Variants in RGS7BP observed in about 807,000 individuals in gnomAD.
The protein encoded by RGS7BP is regulator of G protein signaling 7-binding protein.
RGS7BP carries 9 observed loss-of-function variants against 31.3 expected under a neutral mutation model. The ratio of observed to expected loss-of-function variants is 0.29; its 90% CI spans 0.17 to 0.50. The LOEUF is 0.50. RGS7BP is among the 20% of genes least tolerant of loss of function. The pLI, the probability that RGS7BP is intolerant of heterozygous loss-of-function variation, is 0.98. For missense variants in RGS7BP, 274 were observed against 322.0 expected, an observed-to-expected ratio of 0.85 and a Z score of 1.14; for synonymous variants, 115 against 120.1, an observed-to-expected ratio of 0.96 and a Z score of 0.28.
rs553049140 is a variant in RGS7BP, at chr5:64,590,359, CA to C, written c.464-4345del. 2.3e-3 allele frequency among the ~76,000 whole-genome samples: 349 copies of C among 151,440 alleles called. 2 individuals carry two copies. The highest frequency in any genetic ancestry group is 3.9e-3 in the Non-Finnish European group (264 of 67,824). On this transcript the variant is annotated intron_variant, in intron 3 of 5. Transcript: ENST00000334025. ...TGCTCCCAAAAATGAAAACTGAATT[CA>C]AAAAAGAAGAAGATATGTTTGAAAT...
chr5:64,551,262 A>ATTTTTTTT (rs1561331804), intron 2 of RGS7BP, among the ~76,000 whole-genome samples: 1 of 147,826 alleles, frequency 6.8e-6, no homozygotes, highest in African/African-American at 2.5e-5. Context: ...TTTATTTTTT[A>ATTTTTTTT]TTTTATTTTT....
At chr5:64,575,360 T>A (rs943424692) in intron 2 of RGS7BP, among the ~76,000 whole-genome samples, 2 of 152,286 alleles carry the variant, frequency 1.3e-5, no homozygotes, top group African/African-American at 4.8e-5. Context: ...AGGGCCCTAA[T>A]ATTAAAGAGC....
rs1743202861 is a variant in RGS7BP, at chr5:64,601,001, GA to G, written c.682+2568del. Among the ~76,000 whole-genome samples, 3 of 152,256 alleles carry G rather than the reference GA, an allele frequency of 2.0e-5. No homozygotes were observed. The South Asian group carries it at 6.2e-4, about 32-fold the overall frequency. ...TAGAGGCTTCCCCAATTCCTTTCCGGAATTCTTTTCAGGTGGTTTATTTATT... is the reference window on the plus strand; with the variant it reads ...TAGAGGCTTCCCCAATTCCTTTCCGGATTCTTTTCAGGTGGTTTATTTATT... On this transcript the variant is annotated intron_variant, in intron 5 of 5. Coordinates refer to ENST00000334025, the MANE Select transcript of RGS7BP (RefSeq NM_001029875.3).
chr5:64,543,314 T>C (rs1741572302), intron 2 of RGS7BP, among the ~76,000 whole-genome samples: 1 of 152,232 alleles, frequency 6.6e-6, no homozygotes, highest in Admixed American at 6.5e-5. Context: ...ATTCTTTTAG[T>C]TGCAAGTGAC....
chr5:64,585,180 C>T (rs1321539697), intron 3 of RGS7BP, among the ~76,000 whole-genome samples: 1 of 152,066 alleles, frequency 6.6e-6, no homozygotes. Flanking sequence ...AGTGTCATAG[C>T]AGGTAATGTG....
At chr5:64,535,196 G>A (rs1363676047) in intron 2 of RGS7BP, among the ~76,000 whole-genome samples, 1 of 152,186 alleles carries the variant, frequency 6.6e-6, no homozygotes. Flanking sequence ...CGTGGAGGCA[G>A]TGGCTATTGG....
chr5:64,513,848 C>G (rs1219240967), intron 2 of RGS7BP, among the ~76,000 whole-genome samples: 1 of 152,146 alleles, frequency 6.6e-6, no homozygotes, highest in African/African-American at 2.4e-5. Context: ...ATGTCTATAC[C>G]AAAAGAATAT....
chr5:64,562,824 T>A (rs1431738468), intron 2 of RGS7BP, among the ~76,000 whole-genome samples: 1 of 152,136 alleles, frequency 6.6e-6, no homozygotes, highest in African/African-American at 2.4e-5. Flanking sequence ...GCCTTGAAAG[T>A]TCAGTTTGAT....
At chr5:64,570,998 C>G (rs1356568870) in intron 2 of RGS7BP, among the ~76,000 whole-genome samples, 1 of 151,946 alleles carries the variant, frequency 6.6e-6, no homozygotes, top group Non-Finnish European at 1.5e-5. Flanking sequence ...GTGTACCATT[C>G]GATACATTTT....
At chr5:64,586,974 A>C (rs191148515) in intron 3 of RGS7BP, among the ~76,000 whole-genome samples, 53 of 152,330 alleles carry the variant, frequency 3.5e-4, no homozygotes, top group Non-Finnish European at 5.3e-4. Context: ...ACCAAATCTC[A>C]GTGGATTAGA....
chr5:64,594,056 G>A (rs893878454), intron 3 of RGS7BP, among the ~76,000 whole-genome samples: 6 of 152,112 alleles, frequency 3.9e-5, no homozygotes, highest in African/African-American at 1.4e-4. Flanking sequence ...AGTCTTAGTG[G>A]GTAGGTAGTG....
intron 3 of RGS7BP, among the ~76,000 whole-genome samples, chr5:64,584,119 G>A (rs1412190146): frequency 6.6e-6 from 1 of 152,216 alleles, no homozygotes; most frequent in Non-Finnish European, 1.5e-5. Context: ...CTACATTGGA[G>A]AAGGGCAGGA....
chr5:64,611,903 G>A lies in RGS7BP; in HGVS notation c.*2651G>A, dbSNP rs567074888. On this transcript the variant is annotated 3_prime_UTR_variant, in exon 6 of 6. Coordinates refer to ENST00000334025, the MANE Select transcript of RGS7BP (RefSeq NM_001029875.3). ...CCAAGCGATAAAGTTCTACTGTCTC[G>A]GCTTCCTGCTGGTAATTCGCTTTCA... is the stretch of plus-strand genomic sequence containing the variant. 11 of 151,758 alleles carry A rather than the reference G, an allele frequency of 7.2e-5. No individual in the cohort carries two copies. Among genetic ancestry groups the A allele is most frequent in the Non-Finnish European group, 1.0e-4 (7 of 67,870 alleles). The allele number at this position is 151,758 out of a possible 1,614,324, so 9.4% of individuals were successfully genotyped here. A position where few individuals can be genotyped will look rare whatever the true frequency, so the allele number is the denominator to read the frequency against.
chr5:64,570,478 A>G (rs988816231), intron 2 of RGS7BP, among the ~76,000 whole-genome samples: 4 of 152,196 alleles, frequency 2.6e-5, no homozygotes, highest in African/African-American at 7.2e-5. Flanking sequence ...GTCTCACTCC[A>G]TTCAACTAAA....
rs116107795 is a variant in RGS7BP at position 64,585,691 on chromosome 5, C to G, written c.464-9019C>G. ...TTCTCACGAATATAAGAATAACCAA[C>G]CTTTCAATTTGTTATGTGCTTCATG... On this transcript the variant is annotated intron_variant, in intron 3 of 5. Coordinates refer to ENST00000334025, the MANE Select transcript of RGS7BP (RefSeq NM_001029875.3). 9.3e-3 allele frequency among the ~76,000 whole-genome samples: 1,421 copies of G among 152,236 alleles called. 21 individuals carry two copies. The highest frequency in any genetic ancestry group is 0.033 in the African/African-American group (1,369 of 41,550).
At chr5:64,558,537 G>C (rs1227242955) in intron 2 of RGS7BP, among the ~76,000 whole-genome samples, 1 of 152,036 alleles carries the variant, frequency 6.6e-6, no homozygotes, top group Non-Finnish European at 1.5e-5. Flanking sequence ...TCAAAACCCT[G>C]TGATTATTGC....
rs1191560944 is a variant in RGS7BP at position 64,538,546 on chromosome 5, C to CTTTTTTTTTTTTTT, written c.332+30684_332+30697dup. On this transcript the variant is annotated intron_variant, in intron 2 of 5. Transcript: ENST00000334025. The stretch of plus-strand genomic sequence containing the variant: ...TTCTTTTCTTTTTTTTTTTCCTTTT[C>CTTTTTTTTTTTTTT]TTTTTTTTTTTTTTTTTTTTTTTTT... Among the ~76,000 whole-genome samples the CTTTTTTTTTTTTTT allele has an allele frequency of 1.0e-4, 4 of 40,026 alleles. 1 individual carries two copies. The highest frequency in any genetic ancestry group is 4.5e-4 in the African/African-American group (4 of 8,962). The allele number at this position is 40,026 out of a possible 152,430, so 26.3% of individuals were successfully genotyped here. A position where few individuals can be genotyped will look rare whatever the true frequency, so the allele number is the denominator to read the frequency against.
chr5:64,592,465 AAGC>A (rs1742944404), intron 3 of RGS7BP, among the ~76,000 whole-genome samples: 1 of 152,178 alleles, frequency 6.6e-6, no homozygotes. Flanking sequence ...TTTGTCTTGT[AAGC>A]AGCAGAATAA....
chr5:64,546,046 C>T (rs1176835110), intron 2 of RGS7BP, among the ~76,000 whole-genome samples: 4 of 152,046 alleles, frequency 2.6e-5, no homozygotes, highest in Non-Finnish European at 5.9e-5. Context: ...CCCAGCTACT[C>T]AGGAGGCTGA....
Sources: gnomAD v4.1 joint callset for allele counts (sites outside exome capture counted in the v4.1 genomes callset) on GRCh38, gnomAD v4.1.1 for gene constraint, MANE v1.5 for transcripts, NCBI Gene and HGNC (gene_info 2026-07-23, HGNC 2026-07-21) for gene names.